The following CAST variants were observed in gnomAD, a reference collection of about 807,000 sequenced individuals.
The protein encoded by CAST is MIR583 host.
CAST carries 76 observed loss-of-function variants against 119.6 expected under a neutral mutation model. The observed-to-expected ratio is 0.64, with a 90% CI of 0.53 to 0.77. The LOEUF is 0.77. Among genes scored for constraint, CAST ranks in the 30% least tolerant of loss-of-function variants. The probability of loss-of-function intolerance (pLI) is 0.00; values close to 1 mark genes in which losing one functional copy is unlikely to be tolerated. For missense variants in CAST, 953 were observed against 946.5 expected (o/e 1.01, Z -0.09); for synonymous variants, 319 against 331.6 (o/e 0.96, Z 0.41).
At chr5:96,600,962 G>GTCTCCCTCTGT (rs1747138885) in intron 1 of CAST, among the ~76,000 whole-genome samples, 1 of 151,966 alleles carries the variant, frequency 6.6e-6, no homozygotes, top group Non-Finnish European at 1.5e-5. Flanking sequence ...CTGGATTTTG[G>GTCTCCCTCTGT]TCTCCCTCTG....
intron 1 of CAST, among the ~76,000 whole-genome samples, chr5:96,584,068 C>T (rs1043671719): frequency 8.1e-4 from 123 of 152,280 alleles, no homozygotes; most frequent in Middle Eastern, 3.4e-3. Context: ...GGTCAGTAGT[C>T]GCCAACCTTT....
At chr5:96,403,599 T>C in the CAST span, among the ~76,000 whole-genome samples, 1 of 152,214 alleles carries the variant, frequency 6.6e-6, no homozygotes, top group Non-Finnish European at 1.5e-5. Flanking sequence ...CTGCATTGAG[T>C]GGCTAATCAA....
the CAST span, among the ~76,000 whole-genome samples, chr5:96,436,335 C>T: frequency 2.0e-5 from 3 of 152,120 alleles, no homozygotes; most frequent in Non-Finnish European, 2.9e-5. Flanking sequence ...AGATTCATAA[C>T]ATTTTCTTTA....
At chr5:96,049,959 G>C in the CAST span, among the ~76,000 whole-genome samples, 2 of 147,560 alleles carry the variant, frequency 1.4e-5, no homozygotes, top group African/African-American at 5.0e-5. Context: ...GGAAAAAATG[G>C]TCCTATATAT....
chr5:95,962,141 C>T, the CAST span: 5 of 342,508 alleles, frequency 1.5e-5, no homozygotes, highest in African/African-American at 2.1e-5. Context: ...CTTGGGGACT[C>T]CCCTGCTAAT....
chr5:96,529,933 T>C, intron 1 of CAST: 1 of 324,588 alleles, frequency 3.1e-6, no homozygotes, highest in South Asian at 2.4e-5. Flanking sequence ...TGGGTGTTTT[T>C]TCATAGAACC....
chr5:96,735,652 G>A (rs913425097), intron 9 of CAST, among the ~76,000 whole-genome samples: 2 of 152,216 alleles, frequency 1.3e-5, no homozygotes, highest in African/African-American at 4.8e-5. Context: ...CTGGATAAAA[G>A]CATGGAAACT....
At chr5:96,273,250 G>A in the CAST span, among the ~76,000 whole-genome samples, 2 of 152,338 alleles carry the variant, frequency 1.3e-5, no homozygotes, top group South Asian at 4.1e-4. Context: ...CTGCCAAGCT[G>A]TTCTGTGAAG....
the CAST span, chr5:96,248,112 C>T: frequency 6.6e-6 from 1 of 152,210 alleles, no homozygotes; most frequent in Non-Finnish European, 1.5e-5. Context: ...ATACACCTAC[C>T]GAAAATGCTG....
the CAST span, among the ~76,000 whole-genome samples, chr5:96,336,421 T>C: frequency 6.6e-6 from 1 of 152,236 alleles, no homozygotes; most frequent in Non-Finnish European, 1.5e-5. Context: ...TTAAGTCGCG[T>C]TCTTCTCCAA....
chr5:96,153,247 T>C, the CAST span, among the ~76,000 whole-genome samples: 1 of 152,332 alleles, frequency 6.6e-6, no homozygotes, highest in East Asian at 1.9e-4. Flanking sequence ...ACCTGGAGTC[T>C]GGGACCCTGC....
chr5:96,179,906 G>A, the CAST span, among the ~76,000 whole-genome samples: 3 of 152,192 alleles, frequency 2.0e-5, no homozygotes, highest in South Asian at 2.1e-4. Flanking sequence ...GCGTGGTGGC[G>A]GGTGCCATAG....
the CAST span, among the ~76,000 whole-genome samples, chr5:96,411,780 T>C: frequency 2.6e-5 from 4 of 152,178 alleles, no homozygotes; most frequent in Admixed American, 2.0e-4. Flanking sequence ...CCATTCAACC[T>C]CAGACCCAAA....
chr5:96,281,299 A>AGGC, the CAST span, among the ~76,000 whole-genome samples: 1 of 152,246 alleles, frequency 6.6e-6, no homozygotes, highest in Admixed American at 6.5e-5. Flanking sequence ...GCATGACTTT[A>AGGC]GGCGTGACTA....
the CAST span, among the ~76,000 whole-genome samples, chr5:96,407,874 C>T: frequency 2.0e-5 from 3 of 152,032 alleles, no homozygotes; most frequent in Non-Finnish European, 4.4e-5. Context: ...AAACAAAAGG[C>T]GTTGTAGCTG....
intron 2 of CAST, among the ~76,000 whole-genome samples, chr5:96,688,678 T>C (rs528394988): frequency 6.6e-6 from 1 of 152,366 alleles, no homozygotes; most frequent in African/African-American, 2.4e-5. Context: ...TTTGTATTTG[T>C]ATAAAAATAG....
chr5:96,707,625 T>A lies in CAST; in HGVS notation c.210+11718T>A, dbSNP rs112119309. 4.3e-3 allele frequency among the ~76,000 whole-genome samples: 650 copies of A among 152,152 alleles called. 11 individuals are homozygous for A. Among genetic ancestry groups the A allele is most frequent in the African/African-American group, 0.015 (614 of 41,508 alleles). ...TGGTCTCGATCTCTTGACCTCATGATCCAATCGACCTTCACAGGGAAGGTC... is the reference window on the plus strand; with the variant it reads ...TGGTCTCGATCTCTTGACCTCATGAACCAATCGACCTTCACAGGGAAGGTC... On this transcript the variant is annotated intron_variant, in intron 3 of 31. Transcript: ENST00000675179.
chr5:96,064,811 T>G, the CAST span, among the ~76,000 whole-genome samples: 26 of 152,312 alleles, frequency 1.7e-4, no homozygotes, highest in Admixed American at 1.7e-3. Flanking sequence ...TTCTGGGAAT[T>G]GTTTTTTGTT....
the CAST span, among the ~76,000 whole-genome samples, chr5:96,173,892 C>T: frequency 2.0e-4 from 30 of 152,146 alleles, no homozygotes; most frequent in East Asian, 4.3e-3. Context: ...GTGGCGCCCG[C>T]CACCACGCCC....
Sources: gnomAD v4.1 joint callset for allele counts (sites outside exome capture counted in the v4.1 genomes callset) on GRCh38, gnomAD v4.1.1 for gene constraint, MANE v1.5 for transcripts, NCBI Gene and HGNC (gene_info 2026-07-23, HGNC 2026-07-21) for gene names.